HIRA: variants seen among roughly 807,000 people sequenced by gnomAD.
HIRA encodes the protein protein HIRA.
A neutral mutation model predicts 126.6 loss-of-function variants in HIRA; 13 were observed. The observed-to-expected ratio is 0.10, with a 90% confidence interval of 0.07 to 0.16. The LOEUF is 0.16. Among genes scored for constraint, HIRA ranks in the 10% least tolerant of loss-of-function variants. HIRA has a pLI of 1.00. For missense variants in HIRA, 834 were observed against 1,314.4 expected (o/e 0.63, Z 5.65); for synonymous variants, 511 against 520.0 (o/e 0.98, Z 0.24).
At chr22:19,341,326 T>C (rs973379934) in intron 24 of HIRA, among the ~76,000 whole-genome samples, 1 of 151,892 alleles carries the variant, frequency 6.6e-6, no homozygotes, top group Admixed American at 6.6e-5. Flanking sequence ...TGGCACATGC[T>C]GTAGTCCCAG....
At position 19,410,817 on chromosome 22, in the gene HIRA, C is replaced by T. The variant is rs764422854; in HGVS notation, c.38-39G>A. The T allele has an allele frequency of 6.5e-6, 10 of 1,532,424 alleles. No homozygotes were observed. The Admixed American group carries it at 6.8e-5, about 10-fold the overall frequency. 94.9% of individuals were successfully genotyped at this position (1,532,424 alleles called of 1,614,324 possible). A position where few individuals can be genotyped will look rare whatever the true frequency, so the allele number is the denominator to read the frequency against. On this transcript the variant is annotated intron_variant, in intron 1 of 24. Transcript: ENST00000263208. Reference sequence around the variant, plus strand: ...AAAAAAAATACAGTATCTAAATTGGCTTTTATTCATTGAAGTGTATCAAAC... The same window carrying T: ...AAAAAAAATACAGTATCTAAATTGGTTTTTATTCATTGAAGTGTATCAAAC...
At chr22:19,358,330 G>T (rs1375017496) in intron 18 of HIRA, among the ~76,000 whole-genome samples, 2 of 152,212 alleles carry the variant, frequency 1.3e-5, no homozygotes, top group Non-Finnish European at 2.9e-5. Flanking sequence ...AGGTCTGCAG[G>T]CTGGGCCTGA....
At chr22:19,359,905 T>G (rs79839027) in intron 17 of HIRA, among the ~76,000 whole-genome samples, 26,676 of 152,136 alleles carry the variant, frequency 0.18, 2,507 homozygotes, top group East Asian at 0.31. Flanking sequence ...TGGCAGTGTT[T>G]GGCAAGATTA....
At chr22:19,344,304 C>T (rs1285932713) in intron 24 of HIRA, among the ~76,000 whole-genome samples, 3 of 151,740 alleles carry the variant, frequency 2.0e-5, no homozygotes, top group Admixed American at 1.3e-4. Flanking sequence ...AGACAAGATC[C>T]AAATAATGAA....
intron 24 of HIRA, among the ~76,000 whole-genome samples, chr22:19,343,945 C>G (rs2088660116): frequency 1.3e-5 from 2 of 149,642 alleles, no homozygotes; most frequent in Admixed American, 1.3e-4. Flanking sequence ...TTCCTGACCT[C>G]AAGTGATCTT....
In HIRA at chr22:19,344,902, T is replaced by C. The variant is rs144179136; in HGVS notation, c.2937+6456A>G. On this transcript the variant is annotated intron_variant, in intron 24 of 24. Transcript: ENST00000263208. The stretch of plus-strand genomic sequence containing the variant: ...TTTTAAAATGACACGATCATCTTAA[T>C]GCAGAAAAAGCATCTGAGAAAATGC... Among the ~76,000 whole-genome samples the C allele has an allele frequency of 5.2e-3, 792 of 152,296 alleles. 14 individuals carry two copies. Among genetic ancestry groups the C allele is most frequent in the African/African-American group, 0.019 (776 of 41,562 alleles).
chr22:19,419,208 C>T (rs1458419973), intron 1 of HIRA, among the ~76,000 whole-genome samples: 2 of 152,194 alleles, frequency 1.3e-5, no homozygotes, highest in Non-Finnish European at 2.9e-5. Context: ...CTATAACGGT[C>T]TGATCTTTCC....
chr22:19,339,316 G>C (rs1236978458), intron 24 of HIRA, among the ~76,000 whole-genome samples: 1 of 152,130 alleles, frequency 6.6e-6, no homozygotes, highest in Non-Finnish European at 1.5e-5. Context: ...GAGGAAAGTT[G>C]ATAGCATTAA....
In HIRA at chr22:19,385,671, T is replaced by C. The variant is rs1424600352; in HGVS notation, c.1179A>G (p.Thr393=). The C allele has an allele frequency of 2.5e-6, 4 of 1,614,154 alleles. No individual in the cohort carries two copies. ...LAIMTEAQLS[T]AVIENPEMLK... is the part of the protein sequence containing the mutation. ...GCATCTCAGGGTTCTCAATGACGGC[T>C]GTGGAGAGCTGGGCCTCGGTCATGA... is the stretch of plus-strand genomic sequence containing the variant. The change falls in exon 12 of 25, where the codon ACA becomes ACG. Residue 393 remains threonine, a synonymous_variant. Transcript: ENST00000263208.
At chr22:19,413,092 T>C (rs989322652) in intron 1 of HIRA, among the ~76,000 whole-genome samples, 2 of 152,136 alleles carry the variant, frequency 1.3e-5, no homozygotes, top group Non-Finnish European at 2.9e-5. Context: ...GCTGATGTAA[T>C]GTTGCAGAGC....
chr22:19,369,919 A>G (rs1272298477), intron 15 of HIRA, among the ~76,000 whole-genome samples: 1 of 152,062 alleles, frequency 6.6e-6, no homozygotes, highest in East Asian at 1.9e-4. Context: ...ACACAGCGAG[A>G]CTCTGTCTCA....
Position 19,353,348 on chromosome 22 carries a change from A to G in HIRA, c.2848+8T>C. 6.2e-7 allele frequency: 1 copy of G among 1,612,420 alleles called. No individual in the cohort carries two copies. The highest frequency in any genetic ancestry group is 1.7e-5 in the Admixed American group (1 of 60,016). Reference sequence around the variant, plus strand: ...GAGAAGGCTGCTCAGGGCTGCCAGGAGCCTCACCTTCGTTTACGAGGTACC... The same window carrying G: ...GAGAAGGCTGCTCAGGGCTGCCAGGGGCCTCACCTTCGTTTACGAGGTACC... On this transcript the variant is annotated splice_region_variant and intron_variant, in intron 23 of 24. Coordinates refer to ENST00000263208, the MANE Select transcript of HIRA (RefSeq NM_003325.4).
chr22:19,397,889 G>T, intron 6 of HIRA, 103 bp downstream of exon 6: 1 of 710,948 alleles, frequency 1.4e-6, no homozygotes, highest in South Asian at 1.7e-5. Context: ...AGGCCACTGT[G>T]ACACATCTGT....
In HIRA at chr22:19,376,926, A is replaced by ACC. The variant is rs2089024558; in HGVS notation, c.1613+942_1613+943insGG. Among the ~76,000 whole-genome samples, 3 of 152,348 alleles carry ACC rather than the reference A, an allele frequency of 2.0e-5. No homozygotes were observed. In the Middle Eastern group the frequency reaches 0.01, roughly 518 times the overall value. On this transcript the variant is annotated intron_variant, in intron 14 of 24. Transcript: ENST00000263208. ...CCTATTTGGGGCACCACCGCCTAACAGAGTCACTTTCCTAAAATGGAGATC... is the reference window on the plus strand; with the variant it reads ...CCTATTTGGGGCACCACCGCCTAACACCGAGTCACTTTCCTAAAATGGAGATC...
chr22:19,403,821 A>C (rs1194356324), intron 5 of HIRA, among the ~76,000 whole-genome samples: 1 of 152,196 alleles, frequency 6.6e-6, no homozygotes, highest in Non-Finnish European at 1.5e-5. Flanking sequence ...AATTTTTCTT[A>C]AAAGCTCAAA....
intron 17 of HIRA, 138 bp downstream of exon 17, chr22:19,361,099 A>G: frequency 1.4e-6 from 1 of 697,324 alleles, no homozygotes; most frequent in Non-Finnish European, 2.5e-6. Context: ...CCGATCTGCT[A>G]TGACTTCTCC....
At chr22:19,369,988 T>C (rs2088950617) in intron 15 of HIRA, among the ~76,000 whole-genome samples, 1 of 152,172 alleles carries the variant, frequency 6.6e-6, no homozygotes, top group Non-Finnish European at 1.5e-5. Context: ...TGTTTCGTTT[T>C]GTTTTTGTTT....
chr22:19,420,039 A>T (rs1475903300), intron 1 of HIRA, among the ~76,000 whole-genome samples: 1 of 138,386 alleles, frequency 7.2e-6, no homozygotes, highest in Non-Finnish European at 1.5e-5. Flanking sequence ...CCATACAACC[A>T]TTGTGTGTGT....
intron 5 of HIRA, among the ~76,000 whole-genome samples, chr22:19,402,323 C>T (rs986679507): frequency 1.3e-5 from 2 of 152,208 alleles, no homozygotes; most frequent in African/African-American, 4.8e-5. Flanking sequence ...AAGCCATTTT[C>T]TATCTCTCAA....
Sources: allele counts gnomAD v4.1 joint callset (sites outside exome capture counted in the v4.1 genomes callset), GRCh38; gene constraint gnomAD v4.1.1; transcripts MANE v1.5; gene names NCBI Gene and HGNC (gene_info 2026-07-23, HGNC 2026-07-21).